Variants in FAM193A observed in about 807,000 individuals in gnomAD.
FAM193A encodes the protein family with sequence similarity 193 member A.
Under a neutral mutation model 126.5 loss-of-function variants are expected in FAM193A, and 22 were observed. The ratio of observed to expected loss-of-function variants is 0.17; its 90% CI spans 0.12 to 0.25. FAM193A has a LOEUF of 0.25. FAM193A is among the 10% of genes least tolerant of loss of function. The pLI, the probability that FAM193A is intolerant of heterozygous loss-of-function variation, is 1.00. For missense variants in FAM193A, 1,675 were observed against 1,672.8 expected (o/e 1.00, Z -0.02); for synonymous variants, 761 against 646.8 (o/e 1.18, Z -2.68).
chr4:2,688,052 C>T (rs1396947541), intron 13 of FAM193A, among the ~76,000 whole-genome samples: 1 of 152,200 alleles, frequency 6.6e-6, no homozygotes, highest in African/African-American at 2.4e-5. Flanking sequence ...ATTTCTGCAT[C>T]CCAGAGGATG....
At chr4:2,571,350 A>C (rs903064730) in intron 1 of FAM193A, among the ~76,000 whole-genome samples, 2 of 152,146 alleles carry the variant, frequency 1.3e-5, no homozygotes, top group Admixed American at 6.5e-5. Context: ...CAGATGTGGC[A>C]CCACCTTGCC....
chr4:2,611,680 G>C (rs1741883864), intron 2 of FAM193A, among the ~76,000 whole-genome samples: 2 of 152,106 alleles, frequency 1.3e-5, no homozygotes, highest in South Asian at 2.1e-4. Context: ...CATTTTTATT[G>C]AGTTGTCTTA....
chr4:2,683,793 T>C (rs78370945), intron 13 of FAM193A, among the ~76,000 whole-genome samples: 436 of 152,376 alleles, frequency 2.9e-3, no homozygotes, highest in African/African-American at 7.8e-3. Context: ...CCAGGTGTTA[T>C]ATCTTTCGAA....
intron 7 of FAM193A, among the ~76,000 whole-genome samples, chr4:2,647,748 G>A (rs576591943): frequency 1.3e-5 from 2 of 152,146 alleles, no homozygotes; most frequent in Non-Finnish European, 2.9e-5. Context: ...AATTGAGAGC[G>A]GCCCTGGTTT....
intron 12 of FAM193A, among the ~76,000 whole-genome samples, chr4:2,670,383 T>C (rs754183521): frequency 6.6e-6 from 1 of 152,196 alleles, no homozygotes; most frequent in Non-Finnish European, 1.5e-5. Flanking sequence ...TGCTTTGACA[T>C]CTTTGTGTGC....
chr4:2,560,092 C>T (rs897932570), intron 1 of FAM193A, among the ~76,000 whole-genome samples: 1 of 152,026 alleles, frequency 6.6e-6, no homozygotes, highest in African/African-American at 2.4e-5. Flanking sequence ...CAGGTGCCTG[C>T]CACCACACCC....
chr4:2,641,915 G>T (rs1029648191), intron 6 of FAM193A, among the ~76,000 whole-genome samples: 1 of 150,678 alleles, frequency 6.6e-6, no homozygotes, highest in African/African-American at 2.4e-5. Flanking sequence ...ACCAGACTGG[G>T]TAACAGCGAG....
chr4:2,591,420 G>A (rs143926863), intron 1 of FAM193A, among the ~76,000 whole-genome samples: 22 of 152,260 alleles, frequency 1.4e-4, no homozygotes, highest in African/African-American at 5.1e-4. Context: ...TCTGGTCATA[G>A]GTACAGTGTG....
At chr4:2,631,441 C>T (rs1466074081) in intron 5 of FAM193A, among the ~76,000 whole-genome samples, 1 of 152,136 alleles carries the variant, frequency 6.6e-6, no homozygotes, top group Non-Finnish European at 1.5e-5. Flanking sequence ...GGGAACGAGG[C>T]ATGGGGGCAG....
intron 12 of FAM193A, among the ~76,000 whole-genome samples, chr4:2,669,670 C>T (rs894756969): frequency 6.6e-6 from 1 of 152,182 alleles, no homozygotes; most frequent in Non-Finnish European, 1.5e-5. Context: ...AGACTCACAG[C>T]AAAGTTGAGT....
At chr4:2,666,018 C>G (rs1417346626) in intron 12 of FAM193A, among the ~76,000 whole-genome samples, 1 of 152,104 alleles carries the variant, frequency 6.6e-6, no homozygotes, top group Non-Finnish European at 1.5e-5. Context: ...TAGCTGGAAA[C>G]TCAGTACAGA....
chr4:2,705,702 G>A (rs967124202), intron 19 of FAM193A, among the ~76,000 whole-genome samples: 3 of 151,718 alleles, frequency 2.0e-5, no homozygotes, highest in Non-Finnish European at 4.4e-5. Flanking sequence ...TGATTCTCCC[G>A]CCTCAGCCTC....
intron 1 of FAM193A, among the ~76,000 whole-genome samples, chr4:2,551,841 T>C (rs569693746): frequency 1.3e-5 from 2 of 151,796 alleles, no homozygotes; most frequent in Admixed American, 6.6e-5. Context: ...TTTATTTTTA[T>C]GTTTTATTTT....
intron 15 of FAM193A, 114 bp downstream of exon 15, chr4:2,691,084 G>C (rs139166466): frequency 1.4e-5 from 14 of 975,700 alleles, no homozygotes; most frequent in Non-Finnish European, 2.1e-5. Context: ...AGCCAGAGGC[G>C]TAAGTGTAAT....
chr4:2,605,465 C>G (rs927701580), intron 2 of FAM193A, among the ~76,000 whole-genome samples: 6 of 152,138 alleles, frequency 3.9e-5, no homozygotes, highest in African/African-American at 1.4e-4. Flanking sequence ...AATCTTGTTT[C>G]TCTATTTTCA....
intron 1 of FAM193A, among the ~76,000 whole-genome samples, chr4:2,538,851 A>G (rs986568842): frequency 6.6e-6 from 1 of 151,910 alleles, no homozygotes; most frequent in Non-Finnish European, 1.5e-5. Flanking sequence ...AATAATTTAC[A>G]TTTGCTTTGC....
chr4:2,675,245 C>T lies in FAM193A; in HGVS notation c.2331+2873C>T, dbSNP rs181744339. On this transcript the variant is annotated intron_variant, in intron 13 of 20. Coordinates refer to ENST00000637812, the MANE Select transcript of FAM193A (RefSeq NM_001366318.2). ...TGTTCAGTGAAGTGGTCTTCAGATGCTCATTATGTCCAATTGATTGATGGT... is the reference window on the plus strand; with the variant it reads ...TGTTCAGTGAAGTGGTCTTCAGATGTTCATTATGTCCAATTGATTGATGGT... 2.6e-3 allele frequency among the ~76,000 whole-genome samples: 401 copies of T among 152,274 alleles called. 5 individuals are homozygous for T. The highest frequency in any genetic ancestry group is 6.6e-3 in the South Asian group (32 of 4,830).
At chr4:2,731,714 A>G in intron 20 of FAM193A, 61 bp from the exon 21 acceptor site, 1 of 1,339,928 alleles carries the variant, frequency 7.5e-7, no homozygotes, top group Non-Finnish European at 1.1e-6. Flanking sequence ...GGGCTTTGCC[A>G]AGCACCAGCT....
intron 2 of FAM193A, among the ~76,000 whole-genome samples, chr4:2,605,607 A>T (rs1335959516): frequency 6.6e-6 from 1 of 152,188 alleles, no homozygotes; most frequent in Non-Finnish European, 1.5e-5. Context: ...TGGTTTATAT[A>T]CTTGACTGAT....
Sources: allele counts gnomAD v4.1 joint callset (sites outside exome capture counted in the v4.1 genomes callset), GRCh38; gene constraint gnomAD v4.1.1; transcripts MANE v1.5; gene names NCBI Gene and HGNC (gene_info 2026-07-23, HGNC 2026-07-21).